GRIK4: variants seen among roughly 807,000 people sequenced by gnomAD.
GRIK4 encodes the protein glutamate ionotropic receptor kainate type subunit 4, also known as glutamate receptor ionotropic, kainate 4.
In GRIK4, 40 loss-of-function variants were observed where a neutral mutation model predicts 104.9. The ratio of observed to expected loss-of-function variants is 0.38; its 90% CI spans 0.30 to 0.50. The LOEUF (loss-of-function observed/expected upper bound fraction) is 0.50. Ranked by LOEUF, GRIK4 falls within the 20% of genes least tolerant of loss-of-function variation. GRIK4 has a pLI of 0.93. For synonymous variants in GRIK4, 485 were observed against 524.9 expected (o/e 0.92, Z 1.04); for missense variants, 1,047 against 1,308.1 (o/e 0.80, Z 3.08).
chr11:120,658,837 C>A (rs1329111073), intron 2 of GRIK4, among the ~76,000 whole-genome samples: 2 of 149,614 alleles, frequency 1.3e-5, no homozygotes, highest in Non-Finnish European at 3.0e-5. Context: ...CAAGCTCCAC[C>A]TCCCCGGTTC....
At chr11:120,911,718 T>A (rs972461943) in intron 13 of GRIK4, among the ~76,000 whole-genome samples, 1 of 150,700 alleles carries the variant, frequency 6.6e-6, no homozygotes, top group African/African-American at 2.4e-5. Flanking sequence ...GGTGCATGCC[T>A]GTAATCCCAG....
chr11:120,777,660 G>T (rs1226709712), intron 3 of GRIK4, among the ~76,000 whole-genome samples: 2 of 152,234 alleles, frequency 1.3e-5, no homozygotes, highest in Non-Finnish European at 2.9e-5. Flanking sequence ...AATAGGGCTG[G>T]GTGCGGTGGC....
At chr11:120,741,173 T>C (rs1951324310) in intron 3 of GRIK4, among the ~76,000 whole-genome samples, 2 of 151,734 alleles carry the variant, frequency 1.3e-5, no homozygotes, top group African/African-American at 2.4e-5. Context: ...ACTCACAATA[T>C]CCTCCACTTT....
At chr11:120,711,973 A>T (rs919181917) in intron 3 of GRIK4, among the ~76,000 whole-genome samples, 1 of 141,170 alleles carries the variant, frequency 7.1e-6, no homozygotes, top group Non-Finnish European at 1.5e-5. Flanking sequence ...TGCACTCAGG[A>T]AATGATTATT....
chr11:120,843,222 T>G (rs569137172), intron 8 of GRIK4, among the ~76,000 whole-genome samples: 2 of 152,398 alleles, frequency 1.3e-5, no homozygotes, highest in African/African-American at 4.8e-5. Flanking sequence ...AGCGCCACCA[T>G]TTCATTGCCA....
At chr11:120,580,873 C>T (rs1015472190) in intron 1 of GRIK4, among the ~76,000 whole-genome samples, 2 of 152,154 alleles carry the variant, frequency 1.3e-5, no homozygotes, top group African/African-American at 2.4e-5. Context: ...GCCATTTTCC[C>T]TTCCTATCAC....
chr11:120,515,126 CT>C (rs1290338237), intron 1 of GRIK4: 1 of 440,936 alleles, frequency 2.3e-6, no homozygotes, highest in Non-Finnish European at 4.6e-6. Context: ...CTTGTCCCCC[CT>C]CCCCTGGCCA....
intron 1 of GRIK4, among the ~76,000 whole-genome samples, chr11:120,645,606 G>T (rs1236775518): frequency 2.0e-5 from 3 of 152,182 alleles, no homozygotes; most frequent in Non-Finnish European, 4.4e-5. Context: ...CATCCACGTG[G>T]ACATGGGGAA....
intron 1 of GRIK4, among the ~76,000 whole-genome samples, chr11:120,604,352 T>C (rs964109731): frequency 1.6e-4 from 25 of 152,094 alleles, no homozygotes; most frequent in Non-Finnish European, 2.6e-4. Flanking sequence ...TCGCATTGCT[T>C]TTCCTATCTC....
At chr11:120,582,452 T>TCCCTCCTCTCACCCCCTG (rs1247950775) in intron 1 of GRIK4, among the ~76,000 whole-genome samples, 2 of 152,096 alleles carry the variant, frequency 1.3e-5, no homozygotes, top group African/African-American at 4.8e-5. Flanking sequence ...TTTAGTCTTC[T>TCCCTCCTCTCACCCCCTG]CCCTCCTCTC....
chr11:120,526,549 T>G (rs1947859463), intron 1 of GRIK4, among the ~76,000 whole-genome samples: 1 of 152,198 alleles, frequency 6.6e-6, no homozygotes, highest in South Asian at 2.1e-4. Flanking sequence ...AGTTTGTTTT[T>G]AGGCCGGGCA....
intron 1 of GRIK4, among the ~76,000 whole-genome samples, chr11:120,619,592 G>A (rs1018945917): frequency 2.6e-5 from 4 of 152,190 alleles, no homozygotes; most frequent in Admixed American, 2.6e-4. Context: ...GGATCCTGGT[G>A]GGAGGTGATT....
intron 3 of GRIK4, among the ~76,000 whole-genome samples, chr11:120,723,955 C>T (rs776040864): frequency 7.9e-4 from 120 of 152,274 alleles, no homozygotes; most frequent in South Asian, 7.2e-3. Context: ...CTCCCTTGTG[C>T]TCAGCCCCCT....
In GRIK4 at chr11:120,952,598, C is replaced by A. The variant is rs1053731962; in HGVS notation, c.1591-257C>A. Among the ~76,000 whole-genome samples, 2 of 152,182 alleles carry A rather than the reference C, an allele frequency of 1.3e-5. No individual in the cohort carries two copies. The highest frequency in any genetic ancestry group is 2.9e-5 in the Non-Finnish European group (2 of 68,022). On this transcript the variant is annotated intron_variant, in intron 14 of 20. Coordinates refer to ENST00000527524, the MANE Select transcript of GRIK4 (RefSeq NM_014619.5). This position sits in a 1 kb window ranked among gnomAD's most constrained non-coding sequence, Gnocchi z 5.2. ...GTTGTTCCTCTTTGCCAGCACAAAG[C>A]CTGCCTCACCCCAGGGAGTGGCATG...
chr11:120,785,614 G>GC, intron 3 of GRIK4, among the ~76,000 whole-genome samples: 1 of 152,216 alleles, frequency 6.6e-6, no homozygotes, highest in Non-Finnish European at 1.5e-5. Context: ...CCGAGAGTTA[G>GC]CTCATATCAG....
rs372284418 is a variant in GRIK4 at position 120,657,731 on chromosome 11, G to A, written c.-50-2538G>A. Reference sequence around the variant, plus strand: ...GCAGAGGGGTGTTCTTTGGGCAGAAGGGATGCCCTGTGCACAGGAAGTGAC... The same window carrying A: ...GCAGAGGGGTGTTCTTTGGGCAGAAAGGATGCCCTGTGCACAGGAAGTGAC... On this transcript the variant is annotated intron_variant, in intron 2 of 20. Coordinates refer to ENST00000527524, the MANE Select transcript of GRIK4 (RefSeq NM_014619.5). Among the ~76,000 whole-genome samples, 3 of 152,372 alleles carry A rather than the reference G, an allele frequency of 2.0e-5. No individual in the cohort carries two copies. The East Asian group carries it at 5.8e-4, about 29-fold the overall frequency.
At position 120,861,939 on chromosome 11, in the gene GRIK4, C is replaced by G. The variant is rs775648924; in HGVS notation, c.745-20C>G. On this transcript the variant is annotated intron_variant, in intron 8 of 20. Transcript: ENST00000527524. ...CCCCTTCCTAACTACATTCTTATTT[C>G]TGATGCTGGGTCTTTCCAGGAGTTC... 1.2e-6 allele frequency: 2 copies of G among 1,600,424 alleles called. No individual in the cohort carries two copies. Among genetic ancestry groups the G allele is most frequent in the Admixed American group, 1.7e-5 (1 of 59,890 alleles).
At chr11:120,743,206 G>A (rs1456248358) in intron 3 of GRIK4, among the ~76,000 whole-genome samples, 1 of 151,292 alleles carries the variant, frequency 6.6e-6, no homozygotes, top group Non-Finnish European at 1.5e-5. Context: ...CTCCAGCCTG[G>A]GTGACAGAGC....
intron 1 of GRIK4, among the ~76,000 whole-genome samples, chr11:120,593,069 C>T (rs149521422): frequency 6.6e-6 from 1 of 151,782 alleles, no homozygotes; most frequent in East Asian, 1.9e-4. Flanking sequence ...TGTAATCCCA[C>T]CTACTCAGGA....
Sources: gnomAD v4.1 joint callset for allele counts (sites outside exome capture counted in the v4.1 genomes callset) on GRCh38, gnomAD v4.1.1 for gene constraint, Gnocchi (gnomAD v3.1) non-coding constraint, MANE v1.5 for transcripts, NCBI Gene and HGNC (gene_info 2026-07-23, HGNC 2026-07-21) for gene names.